The following DIP2B variants were observed in gnomAD, a reference collection of about 807,000 sequenced individuals.
DIP2B encodes the protein disco-interacting protein 2 homolog B.
In DIP2B, 76 loss-of-function variants were observed where a neutral mutation model predicts 198.0. The ratio of observed to expected loss-of-function variants is 0.38; its 90% CI spans 0.32 to 0.46. The LOEUF is 0.46. Among genes scored for constraint, DIP2B ranks in the 20% least tolerant of loss-of-function variants. DIP2B has a pLI of 0.99. For synonymous variants in DIP2B, 701 were observed against 739.1 expected, an observed-to-expected ratio of 0.95 and a Z score of 0.84; for missense variants, 1,559 against 1,978.4, an observed-to-expected ratio of 0.79 and a Z score of 4.02.
At chr12:50,548,713 A>G (rs1395593817) in intron 1 of DIP2B, among the ~76,000 whole-genome samples, 1 of 152,012 alleles carries the variant, frequency 6.6e-6, no homozygotes, top group East Asian at 1.9e-4. Context: ...TTTAGTAGAG[A>G]TGGGGTTTCG....
intron 1 of DIP2B, among the ~76,000 whole-genome samples, chr12:50,560,786 A>T (rs1354338454): frequency 1.3e-5 from 2 of 151,936 alleles, no homozygotes; most frequent in Admixed American, 6.5e-5. Flanking sequence ...TCTTTCTCAA[A>T]TTATATTCTG....
Position 50,547,476 on chromosome 12 carries a change from A to G in DIP2B, c.100+42236A>G, listed in dbSNP as rs1192350470. Among the ~76,000 whole-genome samples, 7 of 152,228 alleles carry G rather than the reference A, an allele frequency of 4.6e-5. No homozygotes were observed. In the East Asian group the frequency reaches 1.3e-3, roughly 29 times the overall value. On this transcript the variant is annotated intron_variant, in intron 1 of 37. Coordinates refer to ENST00000301180, the MANE Select transcript of DIP2B (RefSeq NM_173602.3). ...GTAGAGAGATATTAATCGAAGTATT[A>G]TTTGTAAGAACAAAAGATGGAAACA...
At chr12:50,533,831 G>C (rs1958240178) in intron 1 of DIP2B, among the ~76,000 whole-genome samples, 1 of 151,978 alleles carries the variant, frequency 6.6e-6, no homozygotes, top group African/African-American at 2.4e-5. Context: ...CAAGTGATCT[G>C]CCTGCCTTTC....
At chr12:50,581,643 T>A (rs1958725151) in intron 1 of DIP2B, among the ~76,000 whole-genome samples, 1 of 150,032 alleles carries the variant, frequency 6.7e-6, no homozygotes, top group South Asian at 2.2e-4. Flanking sequence ...TTCACCACAG[T>A]GGTAGGTGAC....
intron 1 of DIP2B, among the ~76,000 whole-genome samples, chr12:50,529,395 G>A (rs1335058873): frequency 6.6e-6 from 1 of 152,218 alleles, no homozygotes; most frequent in Non-Finnish European, 1.5e-5. Context: ...GGGCATTAGT[G>A]TACATGTAGT....
intron 1 of DIP2B, among the ~76,000 whole-genome samples, chr12:50,530,110 T>C (rs1291796120): frequency 6.6e-6 from 1 of 152,034 alleles, no homozygotes; most frequent in Non-Finnish European, 1.5e-5. Context: ...AGGGTCTCTC[T>C]CTGTCGCCCA....
chr12:50,552,812 A>T (rs1044545262), intron 1 of DIP2B, among the ~76,000 whole-genome samples: 2 of 151,986 alleles, frequency 1.3e-5, no homozygotes, highest in African/African-American at 2.4e-5. Context: ...TAAATTTTTT[A>T]AAATAAACTT....
chr12:50,622,022 T>G (rs536396833), intron 1 of DIP2B, among the ~76,000 whole-genome samples: 1 of 152,340 alleles, frequency 6.6e-6, no homozygotes, highest in East Asian at 1.9e-4. Context: ...TGACTGAGAC[T>G]TAAGCACTGA....
In DIP2B at chr12:50,509,307, G is replaced by A. The variant is rs115689349; in HGVS notation, c.100+4067G>A. 4.7e-3 allele frequency among the ~76,000 whole-genome samples: 720 copies of A among 152,330 alleles called. 8 individuals carry two copies. Among genetic ancestry groups the A allele is most frequent in the African/African-American group, 0.016 (681 of 41,560 alleles). ...ACGAGATTGGATTGTGTGGCTAGTA[G>A]AGCGGGCTATAATTTAGCCTGTGCA... On this transcript the variant is annotated intron_variant, in intron 1 of 37. Coordinates refer to ENST00000301180, the MANE Select transcript of DIP2B (RefSeq NM_173602.3).
chr12:50,733,062 C>T (rs1392389699), intron 32 of DIP2B, among the ~76,000 whole-genome samples: 3 of 151,874 alleles, frequency 2.0e-5, no homozygotes, highest in Non-Finnish European at 4.4e-5. Flanking sequence ...TGTACCACCA[C>T]GCCCGGCTAT....
chr12:50,692,836 T>TCAAAAAAAAAAAAAA, intron 13 of DIP2B, 113 bp from the exon 14 acceptor site: 2 of 918,556 alleles, frequency 2.2e-6, no homozygotes, highest in Non-Finnish European at 3.4e-6. Flanking sequence ...AGACTCCATC[T>TCAAAAAAAAAAAAAA]AAAAGAAAAA....
At chr12:50,715,931 C>T (rs1939706407) in intron 23 of DIP2B, among the ~76,000 whole-genome samples, 1 of 152,176 alleles carries the variant, frequency 6.6e-6, no homozygotes, top group Non-Finnish European at 1.5e-5. Flanking sequence ...GGCATATTTA[C>T]AGGTACAGCA....
At chr12:50,681,728 C>T (rs930084135) in intron 9 of DIP2B, among the ~76,000 whole-genome samples, 3 of 152,180 alleles carry the variant, frequency 2.0e-5, no homozygotes, top group South Asian at 2.1e-4. Flanking sequence ...TATGGAATCT[C>T]TTAAACTAGA....
At chr12:50,637,739 T>G (rs1938185086) in intron 2 of DIP2B, among the ~76,000 whole-genome samples, 1 of 152,220 alleles carries the variant, frequency 6.6e-6, no homozygotes, top group Admixed American at 6.5e-5. Context: ...TCAGAGCCCA[T>G]CCTGTTTCAC....
At chr12:50,656,922 G>C (rs1258207753) in intron 3 of DIP2B, 1 of 151,996 alleles carries the variant, frequency 6.6e-6, no homozygotes, top group East Asian at 1.9e-4. Flanking sequence ...GGAAGAAATG[G>C]TAGAGCTATA....
chr12:50,636,494 GCTT>G (rs1938162157), intron 2 of DIP2B, among the ~76,000 whole-genome samples: 1 of 152,182 alleles, frequency 6.6e-6, no homozygotes, highest in South Asian at 2.1e-4. Flanking sequence ...TCCTCTTGGG[GCTT>G]CTTTTTCCTC....
chr12:50,680,648 T>C, intron 8 of DIP2B, 24 bp from the exon 9 acceptor site: 1 of 1,592,534 alleles, frequency 6.3e-7, no homozygotes, highest in Non-Finnish European at 8.6e-7. Flanking sequence ...ATATGACTGT[T>C]GTTTTTTTTT....
At chr12:50,619,593 A>T (rs763348753) in intron 1 of DIP2B, among the ~76,000 whole-genome samples, 5 of 152,090 alleles carry the variant, frequency 3.3e-5, no homozygotes, top group Non-Finnish European at 7.4e-5. Flanking sequence ...AGTGTTAGTC[A>T]TGTTTGTTTG....
intron 3 of DIP2B, among the ~76,000 whole-genome samples, chr12:50,645,138 A>G (rs1593682401): frequency 1.3e-5 from 2 of 152,228 alleles, no homozygotes; most frequent in East Asian, 3.8e-4. Flanking sequence ...TATAATCAGT[A>G]TAAATGCAGT....
Sources: gnomAD v4.1 joint callset for allele counts (sites outside exome capture counted in the v4.1 genomes callset) on GRCh38, gnomAD v4.1.1 for gene constraint, MANE v1.5 for transcripts, NCBI Gene and HGNC (gene_info 2026-07-23, HGNC 2026-07-21) for gene names.